ALG14: variants seen among roughly 807,000 people sequenced by gnomAD.
ALG14 encodes ALG14 UDP-N-acetylglucosaminyltransferase subunit, also known as UDP-N-acetylglucosamine transferase subunit ALG14.
In ALG14, 17 loss-of-function variants were observed where a neutral mutation model predicts 22.8. The observed-to-expected ratio is 0.75, with a 90% confidence interval of 0.51 to 1.12. The LOEUF is 1.12. Among genes scored for constraint, ALG14 ranks in the 50% most tolerant of loss-of-function variants. ALG14 has a pLI of 0.00. For synonymous variants in ALG14, 89 were observed against 103.7 expected, an observed-to-expected ratio of 0.86 and a Z score of 0.86; for missense variants, 288 against 271.8, an observed-to-expected ratio of 1.06 and a Z score of -0.42.
In ALG14 at chr1:94,974,673, G is replaced by A. The variant is rs1414737439; in HGVS notation, c.*8403C>T. The A allele has an allele frequency of 2.0e-5, 3 of 152,166 alleles. No homozygotes were observed. Among genetic ancestry groups the A allele is most frequent in the Admixed American group, 6.5e-5 (1 of 15,284 alleles). The allele number at this position is 152,166 out of a possible 1,614,324, so 9.4% of individuals were successfully genotyped here. A position where few individuals can be genotyped will look rare whatever the true frequency, so the allele number is the denominator to read the frequency against. On this transcript the variant is annotated 3_prime_UTR_variant, in exon 4 of 4. Transcript: ENST00000370205. ...ATTTCTTCCTCTTTTAATATTAAGCGAAAGTACCCAAGCTTTGGAGAAACT... is the reference window on the plus strand; with the variant it reads ...ATTTCTTCCTCTTTTAATATTAAGCAAAAGTACCCAAGCTTTGGAGAAACT...
Position 94,981,846 on chromosome 1 carries a change from C to G in ALG14, c.*1230G>C, listed in dbSNP as rs1466482428. ...GAAACACAGTCTCAAGCAGGACCAG[C>G]GAAAGAATTCAGAGGGTCTAAAATA... On this transcript the variant is annotated 3_prime_UTR_variant, in exon 4 of 4. Transcript: ENST00000370205. The G allele has an allele frequency of 2.6e-5, 4 of 151,354 alleles. No individual in the cohort carries two copies. The highest frequency in any genetic ancestry group is 5.9e-5 in the Non-Finnish European group (4 of 67,916). 9.4% of individuals were successfully genotyped at this position (151,354 alleles called of 1,614,324 possible).
At chr1:95,006,231 G>A (rs559082920) in intron 3 of ALG14, among the ~76,000 whole-genome samples, 12 of 152,200 alleles carry the variant, frequency 7.9e-5, no homozygotes, top group African/African-American at 2.9e-4. Context: ...TCATGCCTGG[G>A]TATGTACATA....
chr1:95,071,185 C>T (rs1313398538), intron 1 of ALG14, among the ~76,000 whole-genome samples: 6 of 152,176 alleles, frequency 3.9e-5, no homozygotes, highest in African/African-American at 1.2e-4. Context: ...GGTGTTATGA[C>T]AACCTAGAGG....
chr1:95,070,091 G>A (rs1319492059), intron 1 of ALG14, among the ~76,000 whole-genome samples: 4 of 152,052 alleles, frequency 2.6e-5, no homozygotes. Flanking sequence ...TTGTTTGACG[G>A]TAGGTCATAA....
chr1:95,060,403 C>T (rs1196683339), intron 2 of ALG14, among the ~76,000 whole-genome samples: 1 of 152,020 alleles, frequency 6.6e-6, no homozygotes, highest in African/African-American at 2.4e-5. Context: ...TTCGAAAATA[C>T]AAAATAATGG....
chr1:95,065,599 C>T (rs765569425), intron 1 of ALG14, among the ~76,000 whole-genome samples: 12 of 151,954 alleles, frequency 7.9e-5, no homozygotes, highest in East Asian at 1.9e-4. Context: ...AAATAAGGCA[C>T]GAAAGCAGGA....
chr1:95,061,026 C>A (rs944316478), intron 2 of ALG14, among the ~76,000 whole-genome samples: 2 of 152,126 alleles, frequency 1.3e-5, no homozygotes, highest in Non-Finnish European at 1.5e-5. Flanking sequence ...ATGGTGGAAG[C>A]CGAGATTAGA....
rs1672542546 is a variant in ALG14 at position 94,983,193 on chromosome 1, T to C, written c.534A>G (p.Val178=). The change falls in exon 4 of 4, where the codon GTA becomes GTG. Residue 178 remains valine (V), a synonymous_variant. Coordinates refer to ENST00000370205, the MANE Select transcript of ALG14 (RefSeq NM_144988.4). ...IIVYVESICR[V]ETLSMSGKIL... ...TCTTTCCGGACATGGATAACGTTTC[T>C]ACACGGCAGATGCTTTCAACGTAGA... 6.2e-7 allele frequency: 1 copy of C among 1,614,072 alleles called. No individual in the cohort carries two copies. The highest frequency in any genetic ancestry group is 1.3e-5 in the African/African-American group (1 of 74,928).
intron 2 of ALG14, among the ~76,000 whole-genome samples, chr1:95,056,841 G>T (rs1021199457): frequency 6.6e-6 from 1 of 151,660 alleles, no homozygotes; most frequent in Admixed American, 6.6e-5. Context: ...GGCGGATCAC[G>T]TGGTCAGGAG....
At chr1:94,995,266 CAT>C (rs1672878843) in intron 3 of ALG14, among the ~76,000 whole-genome samples, 2 of 152,120 alleles carry the variant, frequency 1.3e-5, no homozygotes, top group Non-Finnish European at 2.9e-5. Context: ...AGATTCTGTG[CAT>C]GTGTGTGTGT....
chr1:95,015,597 T>C (rs755783935), intron 3 of ALG14, among the ~76,000 whole-genome samples: 1 of 152,146 alleles, frequency 6.6e-6, no homozygotes, highest in Admixed American at 6.5e-5. Context: ...ATCAGGTGCA[T>C]GTGGATAAGC....
At chr1:95,042,324 A>T (rs1674405526) in intron 2 of ALG14, among the ~76,000 whole-genome samples, 2 of 152,028 alleles carry the variant, frequency 1.3e-5, no homozygotes, top group South Asian at 4.1e-4. Flanking sequence ...ACACACACAC[A>T]CACATACACA....
In ALG14 at chr1:94,982,699, C is replaced by CAAAAAAAAAA. The variant is rs368855559; in HGVS notation, c.*367_*376dup. ...TTCTTTTACAATGCAGAATACTTTA[C>CAAAAAAAAAA]AAAAAAAAAAAAAAAAAAAAAAAGC... On this transcript the variant is annotated 3_prime_UTR_variant, in exon 4 of 4. Transcript: ENST00000370205. The CAAAAAAAAAA allele has an allele frequency of 3.8e-5, 3 of 79,474 alleles. No homozygotes were observed. The highest frequency in any genetic ancestry group is 9.9e-5 in the African/African-American group (2 of 20,218). 4.9% of individuals were successfully genotyped at this position (79,474 alleles called of 1,614,324 possible).
rs747783773 is a variant in ALG14 at position 95,072,750 on chromosome 1, C to T, written c.136+13G>A. ...ACCAACCCAAGTCCGACAGTCGCCT[C>T]CTCGATACTTACCGGACCCAGCCAC... On this transcript the variant is annotated intron_variant, in intron 1 of 3. Transcript: ENST00000370205. The T allele has an allele frequency of 6.2e-7, 1 of 1,613,962 alleles. No individual in the cohort carries two copies. Among genetic ancestry groups the T allele is most frequent in the Non-Finnish European group, 8.5e-7 (1 of 1,179,954 alleles).
intron 3 of ALG14, among the ~76,000 whole-genome samples, chr1:94,992,607 A>G (rs1672803173): frequency 6.6e-6 from 1 of 152,098 alleles, no homozygotes; most frequent in Admixed American, 6.5e-5. Context: ...TAGAAATGTT[A>G]TACCAGGGTG....
At chr1:95,046,945 C>T (rs1018042710) in intron 2 of ALG14, among the ~76,000 whole-genome samples, 16 of 151,650 alleles carry the variant, frequency 1.1e-4, no homozygotes, top group Middle Eastern at 6.8e-3. Flanking sequence ...CCAGCCTGGG[C>T]GACAGAGTGA....
At chr1:95,066,742 A>C (rs933019389) in intron 1 of ALG14, among the ~76,000 whole-genome samples, 4 of 152,126 alleles carry the variant, frequency 2.6e-5, no homozygotes, top group African/African-American at 9.7e-5. Context: ...GAAAAAAAAC[A>C]AAAAAGTTAG....
chr1:95,017,998 C>T (rs1673551695), intron 3 of ALG14, among the ~76,000 whole-genome samples: 1 of 152,076 alleles, frequency 6.6e-6, no homozygotes, highest in Admixed American at 6.5e-5. Context: ...CTCATTACTC[C>T]TATTTGATAG....
At chr1:95,063,949 G>A (rs1215823202) in intron 2 of ALG14, among the ~76,000 whole-genome samples, 1 of 152,054 alleles carries the variant, frequency 6.6e-6, no homozygotes, top group African/African-American at 2.4e-5. Flanking sequence ...TGTCCTCTCT[G>A]ATTTCACTGA....
Sources: allele counts gnomAD v4.1 joint callset (sites outside exome capture counted in the v4.1 genomes callset), GRCh38; gene constraint gnomAD v4.1.1; transcripts MANE v1.5; gene names NCBI Gene and HGNC (gene_info 2026-07-23, HGNC 2026-07-21).